SLC26A7: variants seen among roughly 807,000 people sequenced by gnomAD.
SLC26A7 encodes anion exchange transporter.
SLC26A7 carries 59 observed loss-of-function variants against 82.5 expected under a neutral mutation model. That is an observed-to-expected ratio of 0.72 (90% CI 0.58 to 0.89). The LOEUF is 0.89. Ranked by LOEUF, SLC26A7 falls within the 40% of genes least tolerant of loss-of-function variation. SLC26A7 has a pLI of 0.00. For missense variants in SLC26A7, 820 were observed against 793.0 expected, an observed-to-expected ratio of 1.03 and a Z score of -0.41; for synonymous variants, 271 against 274.3, an observed-to-expected ratio of 0.99 and a Z score of 0.12.
chr8:91,327,118 G>A (rs780636466), intron 5 of SLC26A7, among the ~76,000 whole-genome samples: 8 of 151,902 alleles, frequency 5.3e-5, no homozygotes, highest in Non-Finnish European at 1.2e-4. Flanking sequence ...CTTTTTTTTG[G>A]TGGGGAGGGG....
intron 16 of SLC26A7, among the ~76,000 whole-genome samples, chr8:91,390,536 G>T (rs1179465416): frequency 6.6e-6 from 1 of 151,978 alleles, no homozygotes; most frequent in Non-Finnish European, 1.5e-5. Flanking sequence ...CTGTTCTTTG[G>T]TTTCCCCAGT....
intron 1 of SLC26A7, among the ~76,000 whole-genome samples, chr8:91,218,416 G>T (rs990420635): frequency 6.6e-6 from 1 of 152,156 alleles, no homozygotes; most frequent in African/African-American, 2.4e-5. Flanking sequence ...GACCCAGCCA[G>T]TGAAGATCTT....
chr8:91,282,903 C>T (rs1049836381), intron 2 of SLC26A7, among the ~76,000 whole-genome samples: 4 of 152,194 alleles, frequency 2.6e-5, no homozygotes, highest in Non-Finnish European at 5.9e-5. Flanking sequence ...CAGGCATCTA[C>T]TCTTCATGCT....
intron 5 of SLC26A7, among the ~76,000 whole-genome samples, chr8:91,327,006 G>A (rs992654882): frequency 2.0e-5 from 3 of 152,054 alleles, no homozygotes; most frequent in African/African-American, 7.2e-5. Context: ...GTAATTTTAG[G>A]TGATCTCATC....
At position 91,249,805 on chromosome 8, in the gene SLC26A7, G is replaced by T. The variant is rs1370863657; in HGVS notation, c.154G>T (p.Val52Leu). ...NLKENLLPDT[V>L]SGIMLAVQQV... The stretch of plus-strand genomic sequence containing the variant: ...GAAAGAAAACTTGCTTCCAGACACT[G>T]TGTCTGGGATAATGTTGGCAGTTCA... Residue 52 changes from valine (V) to leucine (L), a missense_variant, in exon 2 of 19, where the codon GTG becomes TTG. Transcript: ENST00000276609. The T allele has an allele frequency of 1.2e-6, 2 of 1,609,784 alleles. No individual in the cohort carries two copies. The highest frequency in any genetic ancestry group is 1.7e-6 in the Non-Finnish European group (2 of 1,178,468).
intron 2 of SLC26A7, among the ~76,000 whole-genome samples, chr8:91,259,456 T>C (rs1206463720): frequency 3.9e-5 from 6 of 152,100 alleles, no homozygotes; most frequent in Non-Finnish European, 7.4e-5. Context: ...AGGTATTTAA[T>C]ATAAAAGTAA....
At chr8:91,333,110 T>C (rs971914391) in intron 5 of SLC26A7, among the ~76,000 whole-genome samples, 10 of 152,182 alleles carry the variant, frequency 6.6e-5, no homozygotes, top group Non-Finnish European at 2.9e-5. Flanking sequence ...ATCTTTTTTG[T>C]GCTAGTCGAT....
chr8:91,226,635 G>A (rs1810243631), intron 2 of SLC26A7, among the ~76,000 whole-genome samples: 1 of 152,208 alleles, frequency 6.6e-6, no homozygotes, highest in East Asian at 1.9e-4. Context: ...AAAACTGGCA[G>A]GGCCCTTGCT....
chr8:91,306,755 G>A (rs1405648205), intron 4 of SLC26A7, among the ~76,000 whole-genome samples: 1 of 151,244 alleles, frequency 6.6e-6, no homozygotes, highest in Non-Finnish European at 1.5e-5. Flanking sequence ...TGTTGCTCAG[G>A]CTGGAGTACA....
At chr8:91,321,219 T>G (rs1011340185) in intron 5 of SLC26A7, among the ~76,000 whole-genome samples, 26 of 152,246 alleles carry the variant, frequency 1.7e-4, no homozygotes, top group South Asian at 2.1e-4. Context: ...GCAGGTGTTC[T>G]TGCCACAATG....
chr8:91,355,726 T>A (rs537551214), intron 11 of SLC26A7, among the ~76,000 whole-genome samples: 23 of 152,194 alleles, frequency 1.5e-4, no homozygotes, highest in African/African-American at 2.6e-4. Context: ...CTCTTTTTTT[T>A]AAATTTTATT....
At chr8:91,214,463 A>C (rs541054548) in intron 1 of SLC26A7, among the ~76,000 whole-genome samples, 1 of 152,214 alleles carries the variant, frequency 6.6e-6, no homozygotes, top group Non-Finnish European at 1.5e-5. Flanking sequence ...TGTAGTTGCT[A>C]TTAAGCTATA....
chr8:91,305,407 C>T (rs1463074492), intron 4 of SLC26A7, among the ~76,000 whole-genome samples: 1 of 152,158 alleles, frequency 6.6e-6, no homozygotes, highest in Non-Finnish European at 1.5e-5. Context: ...AAATCTCCCA[C>T]CTTTTCTTAT....
chr8:91,388,810 C>G (rs1044926972), intron 15 of SLC26A7, among the ~76,000 whole-genome samples: 1 of 151,992 alleles, frequency 6.6e-6, no homozygotes, highest in Non-Finnish European at 1.5e-5. Flanking sequence ...ATTTTCAGGG[C>G]CTGTCATACA....
At chr8:91,362,509 C>A in intron 12 of SLC26A7, 50 bp downstream of exon 12, 1 of 1,390,362 alleles carries the variant, frequency 7.2e-7, no homozygotes, top group Non-Finnish European at 1.0e-6. Flanking sequence ...CAGCAAAATA[C>A]ATGGTTACTT....
At chr8:91,251,652 G>T (rs1193578015) in intron 2 of SLC26A7, among the ~76,000 whole-genome samples, 1 of 151,862 alleles carries the variant, frequency 6.6e-6, no homozygotes, top group Non-Finnish European at 1.5e-5. Context: ...TATCCTAACA[G>T]AATCCCAAGA....
intron 2 of SLC26A7, among the ~76,000 whole-genome samples, chr8:91,240,500 T>G (rs942918018): frequency 1.3e-5 from 2 of 152,158 alleles, no homozygotes; most frequent in Non-Finnish European, 2.9e-5. Context: ...CTAAAATGGC[T>G]TATAAACTTA....
chr8:91,333,124 G>GA (rs1813140588), intron 5 of SLC26A7, among the ~76,000 whole-genome samples: 1 of 152,080 alleles, frequency 6.6e-6, no homozygotes, highest in African/African-American at 2.4e-5. Context: ...AGTCGATTTA[G>GA]ATGCTTACAT....
At chr8:91,327,986 A>G (rs1812979317) in intron 5 of SLC26A7, among the ~76,000 whole-genome samples, 1 of 152,218 alleles carries the variant, frequency 6.6e-6, no homozygotes, top group African/African-American at 2.4e-5. Context: ...ATTTTTTCTC[A>G]TGTATATTTT....
Sources: allele counts gnomAD v4.1 joint callset (sites outside exome capture counted in the v4.1 genomes callset), GRCh38; gene constraint gnomAD v4.1.1; transcripts MANE v1.5; gene names NCBI Gene and HGNC (gene_info 2026-07-23, HGNC 2026-07-21).